NIBAN1: variants seen among roughly 807,000 people sequenced by gnomAD.
NIBAN1 encodes the protein protein Niban 1.
Under a neutral mutation model 75.1 loss-of-function variants are expected in NIBAN1, and 81 were observed. That is an observed-to-expected ratio of 1.08 (90% CI 0.90 to 1.30). NIBAN1 has a LOEUF of 1.30. Among genes scored for constraint, NIBAN1 ranks in the 50% most tolerant of loss-of-function variants. The probability of loss-of-function intolerance (pLI) is 0.00; values close to 1 mark genes in which losing one functional copy is unlikely to be tolerated. For synonymous variants in NIBAN1, 436 were observed against 424.8 expected (o/e 1.03, Z -0.32); for missense variants, 1,133 against 1,128.1 (o/e 1.00, Z -0.06).
chr1:184,808,261 A>G (rs761879557), intron 9 of NIBAN1, 26 bp from the exon 10 acceptor site: 2 of 1,610,586 alleles, frequency 1.2e-6, no homozygotes, highest in Admixed American at 3.3e-5. Context: ...GGGAAACATT[A>G]AACACCCTCA....
At chr1:184,825,893 A>C (rs1350859821) in intron 6 of NIBAN1, among the ~76,000 whole-genome samples, 1 of 152,222 alleles carries the variant, frequency 6.6e-6, no homozygotes, top group African/African-American at 2.4e-5. Context: ...GTTTGAAATA[A>C]TATTTGTCCA....
At chr1:184,859,135 A>T (rs1655750908) in intron 5 of NIBAN1, among the ~76,000 whole-genome samples, 1 of 151,976 alleles carries the variant, frequency 6.6e-6, no homozygotes, top group South Asian at 2.1e-4. Flanking sequence ...TTATGATATG[A>T]TCCAATTTAT....
In NIBAN1 at chr1:184,795,059, T is replaced by C; in HGVS notation, c.2705A>G (p.Asp902Gly). The C allele has an allele frequency of 3.7e-6, 6 of 1,613,984 alleles. No homozygotes were observed. Among genetic ancestry groups the C allele is most frequent in the Non-Finnish European group, 5.1e-6 (6 of 1,180,026 alleles). The change falls in exon 14 of 14, where the codon GAT (aspartate) becomes GGT (glycine). Residue 902 changes from aspartate to glycine, a missense_variant. Transcript: ENST00000367511. ...GTCATCTTTGTGTGACAGCAGGACA[T>C]CCGGGTTTGGAGCATCCTCCACCAC... ...QWVVEDAPNP[D>G]VLLSHKDDVK...
chr1:184,823,637 C>T lies in NIBAN1; in HGVS notation c.822+1G>A. 6.2e-7 allele frequency: 1 copy of T among 1,614,060 alleles called. No individual in the cohort carries two copies. Among genetic ancestry groups the T allele is most frequent in the Non-Finnish European group, 8.5e-7 (1 of 1,179,914 alleles). ...AGTTGTAGAGCAAAACCATTGCTTA[C>T]ACCAAGCCACGTCCTCTTTCTGTCA... On this transcript the variant is annotated splice_donor_variant, in intron 7 of 13. Transcript: ENST00000367511. LOFTEE classifies it high-confidence loss of function.
intron 1 of NIBAN1, among the ~76,000 whole-genome samples, chr1:184,961,015 T>A (rs1285282813): frequency 6.8e-6 from 1 of 148,044 alleles, no homozygotes; most frequent in African/African-American, 2.5e-5. Context: ...TTTCTTCAAT[T>A]CCTTCAAGTA....
chr1:184,884,467 T>C (rs1200121412), intron 5 of NIBAN1, among the ~76,000 whole-genome samples, 166 bp downstream of exon 5: 8 of 152,134 alleles, frequency 5.3e-5, no homozygotes, highest in Non-Finnish European at 8.8e-5. Flanking sequence ...CCTTGTGATT[T>C]GCTGGCCTCA....
chr1:184,936,052 G>A (rs1375196633), intron 1 of NIBAN1, among the ~76,000 whole-genome samples: 1 of 150,592 alleles, frequency 6.6e-6, no homozygotes, highest in African/African-American at 2.4e-5. Context: ...GAAACTAAGC[G>A]TCTATTGAAA....
chr1:184,954,628 T>A (rs925768702), intron 1 of NIBAN1, among the ~76,000 whole-genome samples: 2 of 152,082 alleles, frequency 1.3e-5, no homozygotes, highest in Non-Finnish European at 2.9e-5. Flanking sequence ...ATACATCAGA[T>A]TGGAAAAAAG....
At chr1:184,906,929 G>A (rs1255589489) in intron 1 of NIBAN1, among the ~76,000 whole-genome samples, 2 of 152,132 alleles carry the variant, frequency 1.3e-5, no homozygotes, top group African/African-American at 4.8e-5. Context: ...CTGTTTATCA[G>A]CAGTCTTTCT....
At chr1:184,801,518 C>T (rs557231549) in intron 12 of NIBAN1, among the ~76,000 whole-genome samples, 3 of 152,300 alleles carry the variant, frequency 2.0e-5, no homozygotes, top group South Asian at 4.1e-4. Context: ...ATCCTTCCCA[C>T]GTGGTCCCCC....
At chr1:184,864,293 T>C (rs893758418) in intron 5 of NIBAN1, among the ~76,000 whole-genome samples, 7 of 152,214 alleles carry the variant, frequency 4.6e-5, no homozygotes, top group African/African-American at 1.7e-4. Context: ...ATGTGAGCTA[T>C]CATTAGTATT....
rs748964182 is a variant in NIBAN1 at position 184,890,168 on chromosome 1, C to T, written c.373G>A (p.Val125Met). ...TTATATTCATCTTCTGAGGTTAACA[C>T]CTTGCCACCGGCTGGAAGAATTCGA... ...KCRILPAGGK[V>M]LTSEDEYNLL... The change falls in exon 4 of 14, where the codon GTG (valine) becomes ATG (methionine). Residue 125 changes from valine (V) to methionine (M), a missense_variant. By Grantham distance (21) the Val-to-Met change is conservative. Coordinates refer to ENST00000367511, the MANE Select transcript of NIBAN1 (RefSeq NM_052966.4). 2 of 1,613,842 alleles carry T rather than the reference C, an allele frequency of 1.2e-6. No individual in the cohort carries two copies. The highest frequency in any genetic ancestry group is 1.7e-5 in the Admixed American group (1 of 59,986).
At chr1:184,878,683 T>C (rs1207766410) in intron 5 of NIBAN1, among the ~76,000 whole-genome samples, 1 of 152,180 alleles carries the variant, frequency 6.6e-6, no homozygotes. Flanking sequence ...ATGCAAAGAA[T>C]AGATTGATTT....
chr1:184,823,888 G>T (rs1654774071), intron 6 of NIBAN1, 146 bp from the exon 7 acceptor site: 14 of 587,280 alleles, frequency 2.4e-5, no homozygotes, highest in Non-Finnish European at 3.9e-5. Context: ...TACTACAGAG[G>T]CCACAGAAAT....
intron 5 of NIBAN1, among the ~76,000 whole-genome samples, chr1:184,873,316 A>G (rs950510047): frequency 3.9e-5 from 6 of 152,240 alleles, no homozygotes; most frequent in South Asian, 2.1e-4. Flanking sequence ...AATTATGAGC[A>G]AAGAAAGCAG....
chr1:184,825,797 A>T (rs1031047410), intron 6 of NIBAN1, among the ~76,000 whole-genome samples: 1 of 152,236 alleles, frequency 6.6e-6, no homozygotes, highest in Non-Finnish European at 1.5e-5. Flanking sequence ...TAGGCTGCAC[A>T]CTAAGATTTA....
chr1:184,813,459 A>G (rs1033670939), intron 9 of NIBAN1, among the ~76,000 whole-genome samples: 5 of 152,324 alleles, frequency 3.3e-5, no homozygotes, highest in Admixed American at 3.3e-4. Flanking sequence ...ACTTTTGAAA[A>G]TTGTTCAATT....
rs1425483565 is a variant in NIBAN1, at chr1:184,791,149, ATT to A, written c.*3826_*3827del. The A allele has an allele frequency of 2.3e-6, 1 of 427,830 alleles. No homozygotes were observed. The highest frequency in any genetic ancestry group is 2.1e-5 in the African/African-American group (1 of 48,378). The allele number at this position is 427,830 out of a possible 1,614,324, so 26.5% of individuals were successfully genotyped here. A position where few individuals can be genotyped will look rare whatever the true frequency, so the allele number is the denominator to read the frequency against. On this transcript the variant is annotated 3_prime_UTR_variant, in exon 14 of 14. Coordinates refer to ENST00000367511, the MANE Select transcript of NIBAN1 (RefSeq NM_052966.4). ...CCGGGAAAGTCAATCCACAGTGTCG[ATT>A]TTTTTTCTTGAAGTTGCAGACTTTA...
At chr1:184,814,308 A>G (rs1158054938) in intron 9 of NIBAN1, among the ~76,000 whole-genome samples, 1 of 152,246 alleles carries the variant, frequency 6.6e-6, no homozygotes, top group Non-Finnish European at 1.5e-5. Flanking sequence ...AAAGGTTTAT[A>G]AAAATCTTAC....
Sources: gnomAD v4.1 joint callset for allele counts (sites outside exome capture counted in the v4.1 genomes callset) on GRCh38, gnomAD v4.1.1 for gene constraint, MANE v1.5 for transcripts, NCBI Gene and HGNC (gene_info 2026-07-23, HGNC 2026-07-21) for gene names.